WWOX: variants seen among roughly 807,000 people sequenced by gnomAD.
The protein encoded by WWOX is WW domain-containing oxidoreductase.
In WWOX, 69 loss-of-function variants were observed where a neutral mutation model predicts 46.2. The ratio of observed to expected loss-of-function variants is 1.49; its 90% confidence interval spans 1.23 to 1.82. The LOEUF (loss-of-function observed/expected upper bound fraction) is 1.82, where lower values mean the gene tolerates loss of function less well. WWOX is among the 40% of genes most tolerant of loss of function. WWOX has a pLI of 0.00. For missense variants in WWOX, 919 were observed against 542.6 expected (o/e 1.69, Z -6.89); for synonymous variants, 359 against 202.6 (o/e 1.77, Z -6.56).
Position 79,196,275 on chromosome 16 carries a change from A to C in WWOX, c.1057-15333A>C, listed in dbSNP as rs1027189256. The C allele has an allele frequency of 2.6e-5, 4 of 152,334 alleles. No individual in the cohort carries two copies. The East Asian group carries it at 5.8e-4, about 22-fold the overall frequency. The allele number at this position is 152,334 out of a possible 1,614,324, so 9.4% of individuals were successfully genotyped here. The stretch of plus-strand genomic sequence containing the variant: ...ATACATTGTGTATTACACATATACA[A>C]ATTACTTGTCATAACGTGCAGATTT... On this transcript the variant is annotated intron_variant, in intron 8 of 8. Coordinates refer to ENST00000566780, the MANE Select transcript of WWOX (RefSeq NM_016373.4).
chr16:78,752,014 G>A (rs2049494762), intron 8 of WWOX, among the ~76,000 whole-genome samples: 1 of 152,158 alleles, frequency 6.6e-6, no homozygotes, highest in South Asian at 2.1e-4. Context: ...TAAATAAGGA[G>A]GAGGATGAGG....
At chr16:78,297,942 G>A (rs973520020) in intron 5 of WWOX, among the ~76,000 whole-genome samples, 1 of 152,190 alleles carries the variant, frequency 6.6e-6, no homozygotes, top group African/African-American at 2.4e-5. Flanking sequence ...GTGCTAGGGG[G>A]AGGGACCTCG....
intron 8 of WWOX, among the ~76,000 whole-genome samples, chr16:78,967,568 G>T (rs923043971): frequency 2.0e-5 from 3 of 150,052 alleles, no homozygotes; most frequent in Non-Finnish European, 4.4e-5. Flanking sequence ...GCCTCCCAGA[G>T]TGCTGGGATT....
At chr16:78,504,854 A>G (rs534866121) in intron 8 of WWOX, among the ~76,000 whole-genome samples, 1 of 152,246 alleles carries the variant, frequency 6.6e-6, no homozygotes, top group Non-Finnish European at 1.5e-5. Flanking sequence ...TTTACTTTCT[A>G]GAATATCTCG....
At chr16:78,451,199 C>G (rs533466910) in intron 8 of WWOX, among the ~76,000 whole-genome samples, 1 of 152,148 alleles carries the variant, frequency 6.6e-6, no homozygotes, top group Non-Finnish European at 1.5e-5. Context: ...ATTAAACTCA[C>G]CTTTGGCAAG....
chr16:78,435,595 CTG>C (rs2083317324), intron 8 of WWOX, among the ~76,000 whole-genome samples: 2 of 152,100 alleles, frequency 1.3e-5, no homozygotes, highest in Admixed American at 1.3e-4. Flanking sequence ...TTGAAGTTGT[CTG>C]TGGAGGGGCA....
chr16:78,479,455 T>C (rs558799870), intron 8 of WWOX, among the ~76,000 whole-genome samples: 6 of 152,232 alleles, frequency 3.9e-5, no homozygotes, highest in Non-Finnish European at 8.8e-5. Context: ...ATTTGGACTT[T>C]ATGATTTACC....
At chr16:78,150,908 C>G (rs1243872114) in intron 4 of WWOX, among the ~76,000 whole-genome samples, 1 of 151,778 alleles carries the variant, frequency 6.6e-6, no homozygotes, top group Non-Finnish European at 1.5e-5. Context: ...GGGTCTCGCT[C>G]TGTCACCCAC....
At chr16:79,005,770 G>C (rs1392777473) in intron 8 of WWOX, among the ~76,000 whole-genome samples, 4 of 152,062 alleles carry the variant, frequency 2.6e-5, no homozygotes, top group Admixed American at 2.6e-4. Context: ...TCCAAATAAG[G>C]TCACATTCTG....
At chr16:78,579,372 G>A (rs79998254) in intron 8 of WWOX, among the ~76,000 whole-genome samples, 36 of 152,266 alleles carry the variant, frequency 2.4e-4, no homozygotes, top group African/African-American at 8.7e-4. Flanking sequence ...GCGAAGAGAT[G>A]TCTGAGCCAA....
intron 8 of WWOX, among the ~76,000 whole-genome samples, chr16:78,657,159 C>T (rs1247743018): frequency 6.6e-6 from 1 of 152,156 alleles, no homozygotes; most frequent in African/African-American, 2.4e-5. Context: ...CCAATGTGTC[C>T]TGCTCATCAC....
intron 8 of WWOX, among the ~76,000 whole-genome samples, chr16:78,637,598 A>G (rs1441435080): frequency 2.0e-5 from 3 of 152,142 alleles, no homozygotes; most frequent in Middle Eastern, 3.4e-3. Flanking sequence ...TTCCTTACTC[A>G]CTGACATCAT....
intron 8 of WWOX, among the ~76,000 whole-genome samples, chr16:78,500,682 C>G (rs1365132481): frequency 1.3e-5 from 2 of 152,146 alleles, no homozygotes; most frequent in Admixed American, 1.3e-4. Context: ...AAGCAGTCTT[C>G]CAGCTGGACT....
At chr16:79,049,772 T>C (rs994499137) in intron 8 of WWOX, among the ~76,000 whole-genome samples, 5 of 149,292 alleles carry the variant, frequency 3.3e-5, no homozygotes, top group Non-Finnish European at 5.9e-5. Context: ...GAGGTGGAGG[T>C]TGCAGTGAGC....
intron 5 of WWOX, among the ~76,000 whole-genome samples, chr16:78,334,368 A>C (rs984099092): frequency 6.6e-6 from 1 of 152,222 alleles, no homozygotes; most frequent in African/African-American, 2.4e-5. Flanking sequence ...CGATTTTCAA[A>C]TTATGAACCT....
rs901346558 is a variant in WWOX, at chr16:78,435,040, C to T, written c.1056+2288C>T. Among the ~76,000 whole-genome samples the T allele has an allele frequency of 5.3e-5, 8 of 152,102 alleles. No homozygotes were observed. The South Asian group carries it at 6.2e-4, about 12-fold the overall frequency. ...TTGAAAGTTGGCTGGTTGGACCTAA[C>T]GGGAGTATCTCTAAAAAATACCAGC... On this transcript the variant is annotated intron_variant, in intron 8 of 8. Coordinates refer to ENST00000566780, the MANE Select transcript of WWOX (RefSeq NM_016373.4).
intron 8 of WWOX, among the ~76,000 whole-genome samples, chr16:78,814,567 C>G (rs995021578): frequency 6.6e-6 from 1 of 152,136 alleles, no homozygotes; most frequent in East Asian, 1.9e-4. Flanking sequence ...GATAAAGGCA[C>G]CTGTGTACTT....
At chr16:78,403,228 GTTGTAAA>G (rs1350161128) in intron 6 of WWOX, among the ~76,000 whole-genome samples, 3 of 152,278 alleles carry the variant, frequency 2.0e-5, no homozygotes, top group African/African-American at 7.2e-5. Flanking sequence ...TAAGTTGTAA[GTTGTAAA>G]TTCACCTCTG....
chr16:78,433,081 G>T (rs1287412431), intron 8 of WWOX, among the ~76,000 whole-genome samples: 1 of 152,088 alleles, frequency 6.6e-6, no homozygotes, highest in Non-Finnish European at 1.5e-5. Context: ...AATCTATTTT[G>T]TTGAATGGAG....
Sources: allele counts gnomAD v4.1 joint callset (sites outside exome capture counted in the v4.1 genomes callset), GRCh38; gene constraint gnomAD v4.1.1; transcripts MANE v1.5; gene names NCBI Gene and HGNC (gene_info 2026-07-23, HGNC 2026-07-21).